Variants in HOMER2 observed in about 807,000 individuals in gnomAD.
The protein encoded by HOMER2 is homer scaffold protein 2.
HOMER2 carries 27 observed loss-of-function variants against 47.0 expected under a neutral mutation model. The ratio of observed to expected loss-of-function variants is 0.57; its 90% CI spans 0.42 to 0.79. HOMER2 has a LOEUF of 0.79. Among genes scored for constraint, HOMER2 ranks in the 30% least tolerant of loss-of-function variants. The pLI, the probability that HOMER2 is intolerant of heterozygous loss-of-function variation, is 0.00. For synonymous variants in HOMER2, 161 were observed against 163.8 expected, an observed-to-expected ratio of 0.98 and a Z score of 0.13; for missense variants, 443 against 435.0, an observed-to-expected ratio of 1.02 and a Z score of -0.16.
At chr15:82,934,126 GC>G (rs1374615214) in intron 1 of HOMER2, among the ~76,000 whole-genome samples, 2 of 151,890 alleles carry the variant, frequency 1.3e-5, no homozygotes, top group Non-Finnish European at 2.9e-5. Context: ...ACTCCCCACC[GC>G]CCCCCACATA....
intron 4 of HOMER2, among the ~76,000 whole-genome samples, chr15:82,861,786 C>T (rs544651091): frequency 7.2e-5 from 11 of 152,102 alleles, no homozygotes; most frequent in Middle Eastern, 3.4e-3. Context: ...GCAGGCAGAT[C>T]GCCTGATATC....
At chr15:82,837,509 G>A (rs1437426499) in exon 2 of HOMER2, 1 of 152,190 alleles carries the variant, frequency 6.6e-6, no homozygotes, top group Non-Finnish European at 1.5e-5. Flanking sequence ...CTACACAAAA[G>A]TCAGAGGACC....
chr15:82,898,122 C>A lies in HOMER2; in HGVS notation c.6-5281G>T, dbSNP rs192857128. 4.2e-4 allele frequency among the ~76,000 whole-genome samples: 64 copies of A among 152,304 alleles called. 2 individuals carry two copies. Among genetic ancestry groups the A allele is most frequent in the Admixed American group, 3.7e-3 (57 of 15,300 alleles). ...TCAAAGGTCACAGGATCACTTCAGGCAAACTGAACAACAAATCTTAACACC... is the reference window on the plus strand; with the variant it reads ...TCAAAGGTCACAGGATCACTTCAGGAAAACTGAACAACAAATCTTAACACC... On this transcript the variant is annotated intron_variant, in intron 1 of 8. Coordinates refer to ENST00000450735, the MANE Select transcript of HOMER2 (RefSeq NM_004839.4).
chr15:82,894,128 C>T (rs1256234158), intron 1 of HOMER2, among the ~76,000 whole-genome samples: 1 of 152,204 alleles, frequency 6.6e-6, no homozygotes, highest in Admixed American at 6.5e-5. Context: ...TTTCACTCCA[C>T]ATGCCTAAAG....
exon 2 of HOMER2, chr15:82,842,900 T>TA (rs993464756): frequency 1.3e-5 from 2 of 152,106 alleles, no homozygotes; most frequent in Non-Finnish European, 2.9e-5. Context: ...CAGAGGTTTT[T>TA]AAAATTTTTT....
At chr15:82,961,427 A>G (rs917276696) in intron 1 of HOMER2, among the ~76,000 whole-genome samples, 2 of 152,230 alleles carry the variant, frequency 1.3e-5, no homozygotes, top group African/African-American at 4.8e-5. Context: ...CTCTTGGCAC[A>G]TGCCATCTCT....
Position 82,907,502 on chromosome 15 carries a change from AGAAG to A in HOMER2, c.6-14665_6-14662del, listed in dbSNP as rs753700647. Among the ~76,000 whole-genome samples the A allele has an allele frequency of 8.2e-3, 1,253 of 152,006 alleles. 16 individuals are homozygous for A. Among genetic ancestry groups the A allele is most frequent in the African/African-American group, 0.028 (1,150 of 41,440 alleles). The stretch of plus-strand genomic sequence containing the variant: ...AAGGAAAGAAAAAGGAAAGAAAGCA[AGAAG>A]GAAGGAAGGAAGGAAAGAGAGAGAC... On this transcript the variant is annotated intron_variant, in intron 1 of 8. Transcript: ENST00000450735.
chr15:82,927,045 C>G (rs961036266), intron 1 of HOMER2, among the ~76,000 whole-genome samples: 11 of 152,200 alleles, frequency 7.2e-5, no homozygotes, highest in Middle Eastern at 3.4e-3. Context: ...ACCTAATCAC[C>G]CCAACAAAGT....
intron 1 of HOMER2, among the ~76,000 whole-genome samples, chr15:82,919,227 G>A (rs1193282917): frequency 6.6e-6 from 1 of 152,206 alleles, no homozygotes; most frequent in Admixed American, 6.5e-5. Flanking sequence ...GCAAAAACAA[G>A]CTCAGGTCTC....
At chr15:82,890,275 G>C (rs750354613) in intron 2 of HOMER2, among the ~76,000 whole-genome samples, 1 of 152,114 alleles carries the variant, frequency 6.6e-6, no homozygotes, top group Non-Finnish European at 1.5e-5. Context: ...CTGGGAGGTG[G>C]AGGCTGCAGT....
In HOMER2 at chr15:82,946,250, C is replaced by A. The variant is rs980251034; in HGVS notation, c.5+6281G>T. The stretch of plus-strand genomic sequence containing the variant: ...GCCCTGATATTTCCAGCGAACTGTG[C>A]GAGCAGCAAACATGCCTTTATTCTT... On this transcript the variant is annotated intron_variant, in intron 1 of 8. Coordinates refer to ENST00000450735, the MANE Select transcript of HOMER2 (RefSeq NM_004839.4). 3.9e-5 allele frequency among the ~76,000 whole-genome samples: 6 copies of A among 152,188 alleles called. 1 individual carries two copies. The highest frequency in any genetic ancestry group is 5.9e-5 in the Non-Finnish European group (4 of 68,038).
chr15:82,931,885 A>T (rs2054021143), intron 1 of HOMER2, among the ~76,000 whole-genome samples: 1 of 152,234 alleles, frequency 6.6e-6, no homozygotes, highest in Non-Finnish European at 1.5e-5. Context: ...GAAGAAAAAG[A>T]GAGGACACTC....
chr15:82,868,543 T>TATATATATA (rs1567023464), intron 3 of HOMER2, among the ~76,000 whole-genome samples: 2,891 of 36,468 alleles, frequency 0.079, 84 homozygotes, highest in South Asian at 0.16. Flanking sequence ...ATATATATAT[T>TATATATATA]TTTTTTTTTT....
chr15:82,951,810 C>T (rs2054511621), intron 1 of HOMER2, among the ~76,000 whole-genome samples: 1 of 152,188 alleles, frequency 6.6e-6, no homozygotes, highest in African/African-American at 2.4e-5. Flanking sequence ...CAACGTGTGC[C>T]CAAATAGAGT....
At chr15:82,979,238 A>G (rs2030310938) in intron 1 of HOMER2, among the ~76,000 whole-genome samples, 1 of 152,200 alleles carries the variant, frequency 6.6e-6, no homozygotes, top group Non-Finnish European at 1.5e-5. Context: ...CAGCATAAGA[A>G]CAGACTAATA....
chr15:82,858,959 C>T, intron 5 of HOMER2, 70 bp downstream of exon 5: 1 of 1,525,996 alleles, frequency 6.6e-7, no homozygotes, highest in Non-Finnish European at 8.9e-7. Flanking sequence ...AAACCCTGTC[C>T]AGCAAGAAAG....
rs1227546643 is a variant in HOMER2 at position 82,849,367 on chromosome 15, A to G, written c.*348T>C. On this transcript the variant is annotated 3_prime_UTR_variant, in exon 9 of 9. Coordinates refer to ENST00000450735, the MANE Select transcript of HOMER2 (RefSeq NM_004839.4). ...AGGAGCCTGATGGCTTGGTGTAAAG[A>G]ATATCAATATTTGGATTACAAAATG... The G allele has an allele frequency of 4.5e-6, 1 of 224,624 alleles. No individual in the cohort carries two copies. The highest frequency in any genetic ancestry group is 2.3e-5 in the African/African-American group (1 of 44,140). 13.9% of individuals were successfully genotyped at this position (224,624 alleles called of 1,614,324 possible).
chr15:82,864,906 C>T (rs2051915992), intron 3 of HOMER2, among the ~76,000 whole-genome samples: 1 of 152,164 alleles, frequency 6.6e-6, no homozygotes, highest in African/African-American at 2.4e-5. Flanking sequence ...AGAGAATAGC[C>T]TGTGATAATG....
chr15:82,981,213 GCC>G (rs2030385024), intron 1 of HOMER2, among the ~76,000 whole-genome samples: 1 of 152,208 alleles, frequency 6.6e-6, no homozygotes, highest in Non-Finnish European at 1.5e-5. Context: ...TATCAGCTGT[GCC>G]CCTGGATAAA....
Sources: allele counts gnomAD v4.1 joint callset (sites outside exome capture counted in the v4.1 genomes callset), GRCh38; gene constraint gnomAD v4.1.1; transcripts MANE v1.5; gene names NCBI Gene and HGNC (gene_info 2026-07-23, HGNC 2026-07-21).